RNF216: variants seen among roughly 807,000 people sequenced by gnomAD.
RNF216 encodes E3 ubiquitin-protein ligase RNF216.
Under a neutral mutation model 110.8 loss-of-function variants are expected in RNF216, and 72 were observed. The observed-to-expected ratio is 0.65, with a 90% confidence interval of 0.54 to 0.79. The LOEUF is 0.79. Among genes scored for constraint, RNF216 ranks in the 30% least tolerant of loss-of-function variants. RNF216 has a pLI of 0.00. For missense variants in RNF216, 1,342 were observed against 1,141.2 expected (o/e 1.18, Z -2.54); for synonymous variants, 495 against 407.5 (o/e 1.21, Z -2.59).
intron 13 of RNF216, among the ~76,000 whole-genome samples, chr7:5,702,374 A>C (rs1792025750): frequency 6.6e-6 from 1 of 152,192 alleles, no homozygotes; most frequent in Admixed American, 6.5e-5. Flanking sequence ...CCACAGGGCC[A>C]AGCAGAAACA....
At chr7:5,671,678 A>G (rs1252985160) in intron 13 of RNF216, among the ~76,000 whole-genome samples, 1 of 151,946 alleles carries the variant, frequency 6.6e-6, no homozygotes, top group Non-Finnish European at 1.5e-5. Flanking sequence ...GGTGGCGGGC[A>G]CCTGTAATCC....
intron 13 of RNF216, among the ~76,000 whole-genome samples, chr7:5,675,494 T>C (rs779003851): frequency 4.3e-4 from 65 of 152,072 alleles, no homozygotes; most frequent in Non-Finnish European, 7.8e-4. Context: ...TTAAAAAAAT[T>C]AGCTGAGTGT....
chr7:5,640,285 T>C (rs1274701904), intron 15 of RNF216, among the ~76,000 whole-genome samples: 1 of 152,190 alleles, frequency 6.6e-6, no homozygotes, highest in African/African-American at 2.4e-5. Context: ...CTGGCCTTGA[T>C]GTAATGCAAG....
chr7:5,760,022 C>CGGACAGAAAACGGAGGTTATACGGA (rs1795849432), intron 2 of RNF216, among the ~76,000 whole-genome samples: 1 of 152,026 alleles, frequency 6.6e-6, no homozygotes, highest in African/African-American at 2.4e-5. Context: ...TGGGAGAAAA[C>CGGACAGAAAACGGAGGTTATACGGA]CAGTATAACC....
At chr7:5,720,157 A>G (rs1164658567) in intron 9 of RNF216, among the ~76,000 whole-genome samples, 1 of 152,168 alleles carries the variant, frequency 6.6e-6, no homozygotes, top group Non-Finnish European at 1.5e-5. Flanking sequence ...AATATGGTGA[A>G]AAAGCAAATA....
chr7:5,633,029 G>C (rs954609981), intron 15 of RNF216, among the ~76,000 whole-genome samples: 1 of 151,878 alleles, frequency 6.6e-6, no homozygotes, highest in Admixed American at 6.5e-5. Context: ...GCCCAGGCTG[G>C]AGTGCAGTGG....
At chr7:5,739,702 G>A in intron 4 of RNF216, 1 of 454,258 alleles carries the variant, frequency 2.2e-6, no homozygotes, top group Non-Finnish European at 4.4e-6. Flanking sequence ...CTAGTGCCTA[G>A]ATAAAAACAC....
At chr7:5,775,852 G>A (rs531296111) in intron 1 of RNF216, among the ~76,000 whole-genome samples, 1 of 151,118 alleles carries the variant, frequency 6.6e-6, no homozygotes, top group Admixed American at 6.6e-5. Flanking sequence ...CTGGGTGACA[G>A]AGCGAGATTC....
At chr7:5,714,922 A>G in intron 11 of RNF216, 131 bp downstream of exon 11, 1 of 714,214 alleles carries the variant, frequency 1.4e-6, no homozygotes, top group Middle Eastern at 3.0e-4. Flanking sequence ...ACATCAGGTA[A>G]TGTACACATA....
At chr7:5,772,476 G>T (rs559317146) in intron 1 of RNF216, among the ~76,000 whole-genome samples, 2 of 152,034 alleles carry the variant, frequency 1.3e-5, no homozygotes, top group Admixed American at 1.3e-4. Flanking sequence ...GTGCGATCTC[G>T]GCTTACTGCA....
At chr7:5,710,862 GCTTT>G (rs760891064) in intron 13 of RNF216, among the ~76,000 whole-genome samples, 1 of 152,184 alleles carries the variant, frequency 6.6e-6, no homozygotes, top group Non-Finnish European at 1.5e-5. Flanking sequence ...CTAGCACTCT[GCTTT>G]CTTAAGAGCT....
At chr7:5,712,350 G>A (rs1459499557) in intron 12 of RNF216, among the ~76,000 whole-genome samples, 1 of 152,148 alleles carries the variant, frequency 6.6e-6, no homozygotes, top group Non-Finnish European at 1.5e-5. Flanking sequence ...GTGCACGCCT[G>A]TAATCCAGGC....
chr7:5,645,360 C>T (rs1285519568), intron 14 of RNF216, among the ~76,000 whole-genome samples: 1 of 152,156 alleles, frequency 6.6e-6, no homozygotes, highest in African/African-American at 2.4e-5. Context: ...TGGGCTTCCC[C>T]TTAATGTGAA....
intron 5 of RNF216, among the ~76,000 whole-genome samples, chr7:5,735,285 A>G (rs1299771462): frequency 6.6e-6 from 1 of 152,212 alleles, no homozygotes; most frequent in Non-Finnish European, 1.5e-5. Flanking sequence ...CAACTCTATC[A>G]AGAACTCAAG....
intron 2 of RNF216, among the ~76,000 whole-genome samples, chr7:5,755,939 G>A (rs1029513392): frequency 5.3e-5 from 8 of 151,086 alleles, no homozygotes; most frequent in African/African-American, 1.9e-4. Flanking sequence ...GTCCTTATGG[G>A]AACACAATCA....
At chr7:5,745,702 C>G (rs1366461121) in intron 3 of RNF216, among the ~76,000 whole-genome samples, 2 of 151,868 alleles carry the variant, frequency 1.3e-5, no homozygotes, top group African/African-American at 2.4e-5. Flanking sequence ...GAGTTAGAGA[C>G]CAGCCTGACC....
chr7:5,760,954 A>G lies in RNF216; in HGVS notation c.67+49T>C, dbSNP rs188368454. 41 of 1,435,690 alleles carry G rather than the reference A, an allele frequency of 2.9e-5. No homozygotes were observed. In the African/African-American group the frequency reaches 4.6e-4, roughly 16 times the overall value. The allele number at this position is 1,435,690 out of a possible 1,614,324, so 88.9% of individuals were successfully genotyped here. On this transcript the variant is annotated intron_variant, in intron 2 of 16. Coordinates refer to ENST00000389902, the MANE Select transcript of RNF216 (RefSeq NM_207111.4). ...TTTCAAAAGATACAGCTGTGATACT[A>G]AAAGAAAAAGCCACAGGGAAAGGGA... is the stretch of plus-strand genomic sequence containing the variant.
At chr7:5,629,546 G>A (rs1479486688) in intron 15 of RNF216, among the ~76,000 whole-genome samples, 1 of 151,958 alleles carries the variant, frequency 6.6e-6, no homozygotes, top group Non-Finnish European at 1.5e-5. Context: ...AAAGAGGGAG[G>A]GGCCAGAAGC....
Position 5,770,625 on chromosome 7 carries a change from C to T in RNF216, c.-69-9487G>A, listed in dbSNP as rs570501061. Among the ~76,000 whole-genome samples the T allele has an allele frequency of 9.2e-5, 14 of 151,794 alleles. No individual in the cohort carries two copies. The South Asian group carries it at 2.7e-3, about 29-fold the overall frequency. On this transcript the variant is annotated intron_variant, in intron 1 of 16. Transcript: ENST00000389902. ...ATCAGGTTTTAAGAATAGATATATA[C>T]TAGATGACTTTAGAATTTACAGGAA...
Sources: allele counts gnomAD v4.1 joint callset (sites outside exome capture counted in the v4.1 genomes callset), GRCh38; gene constraint gnomAD v4.1.1; transcripts MANE v1.5; gene names NCBI Gene and HGNC (gene_info 2026-07-23, HGNC 2026-07-21).